Variants in ARHGAP24 observed in about 807,000 individuals in gnomAD.
ARHGAP24 encodes Rho GTPase activating protein 24.
In ARHGAP24, 50 loss-of-function variants were observed where a neutral mutation model predicts 76.4. The ratio of observed to expected loss-of-function variants is 0.65; its 90% CI spans 0.52 to 0.83. The LOEUF (loss-of-function observed/expected upper bound fraction) is 0.83, where lower values mean the gene tolerates loss of function less well. Ranked by LOEUF, ARHGAP24 falls within the 40% of genes least tolerant of loss-of-function variation. The pLI is 0.00. For synonymous variants in ARHGAP24, 345 were observed against 323.3 expected (o/e 1.07, Z -0.72); for missense variants, 930 against 914.2 (o/e 1.02, Z -0.22).
intron 5 of ARHGAP24, among the ~76,000 whole-genome samples, chr4:85,945,056 G>A (rs1180795073): frequency 6.6e-6 from 1 of 152,160 alleles, no homozygotes; most frequent in South Asian, 2.1e-4. Flanking sequence ...ATGTTGGTCA[G>A]GCTGGTCTCG....
intron 3 of ARHGAP24, among the ~76,000 whole-genome samples, chr4:85,726,243 G>A (rs1560603610): frequency 6.6e-6 from 1 of 151,944 alleles, no homozygotes; most frequent in African/African-American, 2.4e-5. Context: ...GGGGGGTGGG[G>A]GGTGGACCTT....
intron 1 of ARHGAP24, among the ~76,000 whole-genome samples, chr4:85,485,757 G>A (rs112686722): frequency 6.9e-6 from 1 of 144,508 alleles, no homozygotes; most frequent in Non-Finnish European, 1.5e-5. Context: ...TTTTTTTTGA[G>A]ACAGTCTCAC....
At chr4:85,685,590 G>A (rs1578139544) in intron 2 of ARHGAP24, among the ~76,000 whole-genome samples, 1 of 148,588 alleles carries the variant, frequency 6.7e-6, no homozygotes, top group African/African-American at 2.6e-5. Flanking sequence ...CCGAGATCGT[G>A]CCACTTCACT....
At chr4:85,778,810 G>A (rs1210643283) in intron 3 of ARHGAP24, 8 of 985,222 alleles carry the variant, frequency 8.1e-6, no homozygotes, top group Admixed American at 1.2e-4. Context: ...AGCTACCACC[G>A]CTTTGAAAGG....
At chr4:85,526,838 C>A (rs144107466) in intron 1 of ARHGAP24, among the ~76,000 whole-genome samples, 1 of 152,030 alleles carries the variant, frequency 6.6e-6, no homozygotes, top group Admixed American at 6.6e-5. Flanking sequence ...AAAGAAATAG[C>A]GTTCAGCTTT....
intron 2 of ARHGAP24, among the ~76,000 whole-genome samples, chr4:85,626,506 A>G (rs1407743122): frequency 6.7e-6 from 1 of 148,910 alleles, no homozygotes; most frequent in East Asian, 2.0e-4. Context: ...CCTGCCCTTA[A>G]CATTTTTACC....
intron 3 of ARHGAP24, among the ~76,000 whole-genome samples, chr4:85,794,832 A>G (rs569046103): frequency 6.6e-6 from 1 of 152,320 alleles, no homozygotes; most frequent in South Asian, 2.1e-4. Context: ...GACAATTTCA[A>G]TTATGTGACT....
chr4:85,664,723 C>T (rs1013525117), intron 2 of ARHGAP24, among the ~76,000 whole-genome samples: 38 of 151,138 alleles, frequency 2.5e-4, no homozygotes, highest in African/African-American at 9.1e-4. Flanking sequence ...TCTTTGTTCT[C>T]GTTGGTTTCA....
intron 3 of ARHGAP24, among the ~76,000 whole-genome samples, chr4:85,916,614 T>C (rs1429227961): frequency 6.6e-6 from 1 of 152,184 alleles, no homozygotes; most frequent in African/African-American, 2.4e-5. Context: ...TTTTCTGTAG[T>C]CTGTAATAAA....
At chr4:85,561,670 G>A (rs1320761523) in intron 1 of ARHGAP24, among the ~76,000 whole-genome samples, 1 of 152,000 alleles carries the variant, frequency 6.6e-6, no homozygotes, top group Non-Finnish European at 1.5e-5. Context: ...TAGCTATCTG[G>A]TATATTTTTT....
intron 2 of ARHGAP24, among the ~76,000 whole-genome samples, chr4:85,618,878 G>A (rs376434728): frequency 1.3e-5 from 2 of 151,828 alleles, no homozygotes; most frequent in Non-Finnish European, 2.9e-5. Flanking sequence ...TGATATTAAC[G>A]CCTTATCAGA....
intron 4 of ARHGAP24, among the ~76,000 whole-genome samples, chr4:85,937,326 G>A (rs938783073): frequency 1.5e-4 from 23 of 152,102 alleles, no homozygotes; most frequent in Admixed American, 1.4e-3. Context: ...CCAAAATTAG[G>A]ATTAAAAGAC....
Position 85,736,493 on chromosome 4 carries a change from T to TTAGTTTGGATTACA in ARHGAP24, c.268+14521_268+14522insTAGTTTGGATTACA, listed in dbSNP as rs1187656027. Among the ~76,000 whole-genome samples, 3 of 152,312 alleles carry TTAGTTTGGATTACA rather than the reference T, an allele frequency of 2.0e-5. No homozygotes were observed. The East Asian group carries it at 5.8e-4, about 29-fold the overall frequency. ...TGCTACAGTAATTCTGTGATTCAAT[T>TTAGTTTGGATTACA]CGAATCCAAAGTTTGGTTAAGTTAA... is the stretch of plus-strand genomic sequence containing the variant. On this transcript the variant is annotated intron_variant, in intron 3 of 9. Transcript: ENST00000395184.
chr4:85,979,038 G>T (rs997406800), intron 8 of ARHGAP24, among the ~76,000 whole-genome samples: 1 of 152,012 alleles, frequency 6.6e-6, no homozygotes, highest in African/African-American at 2.4e-5. Context: ...AGAGTTTCCC[G>T]TAGTCTGGAT....
rs1288990495 is a variant in ARHGAP24 at position 85,994,568 on chromosome 4, T to C, written c.929-15T>C. The C allele has an allele frequency of 1.9e-6, 3 of 1,612,314 alleles. No homozygotes were observed. The highest frequency in any genetic ancestry group is 8.5e-7 in the Non-Finnish European group (1 of 1,178,428). ...CTGTCTCACTCATGCTACTTTATGTTCTATGCAATTCTAGGCACTGTGGTG... is the reference window on the plus strand; with the variant it reads ...CTGTCTCACTCATGCTACTTTATGTCCTATGCAATTCTAGGCACTGTGGTG... On this transcript the variant is annotated splice_polypyrimidine_tract_variant and intron_variant, in intron 8 of 9. Transcript: ENST00000395184.
chr4:85,742,346 G>A (rs1725859448), intron 3 of ARHGAP24, among the ~76,000 whole-genome samples: 1 of 152,182 alleles, frequency 6.6e-6, no homozygotes, highest in Non-Finnish European at 1.5e-5. Context: ...GGAGAAGGAG[G>A]AGGAAAATAA....
chr4:85,766,970 A>G (rs914215802), intron 3 of ARHGAP24, among the ~76,000 whole-genome samples: 6 of 152,144 alleles, frequency 3.9e-5, no homozygotes, highest in African/African-American at 1.2e-4. Flanking sequence ...CAATGTTTAG[A>G]TATGTTTGGA....
chr4:85,582,364 C>T (rs1727648669), intron 2 of ARHGAP24, among the ~76,000 whole-genome samples: 1 of 152,032 alleles, frequency 6.6e-6, no homozygotes, highest in Non-Finnish European at 1.5e-5. Context: ...CATCATTTTA[C>T]ATGCAATTTT....
At chr4:85,890,123 G>A (rs1450718676) in intron 3 of ARHGAP24, among the ~76,000 whole-genome samples, 2 of 152,096 alleles carry the variant, frequency 1.3e-5, no homozygotes, top group African/African-American at 2.4e-5. Flanking sequence ...ACCGATGAAA[G>A]GTCTGTTGAG....
Sources: gnomAD v4.1 joint callset for allele counts (sites outside exome capture counted in the v4.1 genomes callset) on GRCh38, gnomAD v4.1.1 for gene constraint, MANE v1.5 for transcripts, NCBI Gene and HGNC (gene_info 2026-07-23, HGNC 2026-07-21) for gene names.